Variants in PPME1 observed in about 807,000 individuals in gnomAD.
PPME1 encodes protein phosphatase methylesterase 1, also known as testicular secretory protein Li 39.
PPME1 carries 17 observed loss-of-function variants against 56.9 expected under a neutral mutation model. The observed-to-expected ratio is 0.30, with a 90% CI of 0.20 to 0.45. PPME1 has a LOEUF of 0.45. Among genes scored for constraint, PPME1 ranks in the 20% least tolerant of loss-of-function variants. The pLI is 1.00. For missense variants in PPME1, 357 were observed against 483.2 expected (o/e 0.74, Z 2.45); for synonymous variants, 122 against 156.2 (o/e 0.78, Z 1.63).
chr11:74,224,852 A>G (rs937269006), intron 4 of PPME1, among the ~76,000 whole-genome samples: 30 of 149,084 alleles, frequency 2.0e-4, no homozygotes, highest in Non-Finnish European at 3.3e-4. Flanking sequence ...GGGCTGAGAC[A>G]ATGGGGTTTT....
intron 3 of PPME1, among the ~76,000 whole-genome samples, chr11:74,216,533 A>G (rs1019047170): frequency 2.6e-5 from 4 of 152,232 alleles, no homozygotes; most frequent in Non-Finnish European, 5.9e-5. Flanking sequence ...GCCTACATCA[A>G]GAATGTAGAA....
At chr11:74,185,775 A>G (rs901211974) in intron 1 of PPME1, among the ~76,000 whole-genome samples, 2 of 151,950 alleles carry the variant, frequency 1.3e-5, no homozygotes, top group Admixed American at 6.6e-5. Context: ...GCAAAGTACA[A>G]TTCTTTATTA....
chr11:74,248,291 C>T (rs1443928305), intron 11 of PPME1: 1 of 152,244 alleles, frequency 6.6e-6, no homozygotes, highest in Non-Finnish European at 1.5e-5. Context: ...CCTACTTACT[C>T]TCCCTGGACA....
rs1412230383 is a variant in PPME1, at chr11:74,230,592, TA to T, written c.553+194del. On this transcript the variant is annotated intron_variant, in intron 6 of 13. Transcript: ENST00000328257. The surrounding 1 kb of genome is among the most constrained non-coding windows in gnomAD (Gnocchi z 4.9). ...CAAAAACTCTTCATTAACATCTTTTTATGGCTGCATAATATTTCAATCCTAT... is the reference window on the plus strand; with the variant it reads ...CAAAAACTCTTCATTAACATCTTTTTTGGCTGCATAATATTTCAATCCTAT... 6.6e-6 allele frequency among the ~76,000 whole-genome samples: 1 copy of T among 152,242 alleles called. No individual in the cohort carries two copies. The highest frequency in any genetic ancestry group is 1.5e-5 in the Non-Finnish European group (1 of 68,038).
chr11:74,238,418 A>G (rs1859252673), intron 8 of PPME1: 1 of 152,140 alleles, frequency 6.6e-6, no homozygotes, highest in Non-Finnish European at 1.5e-5. Context: ...GGGCAAAATA[A>G]CAGATTGTTC....
chr11:74,192,394 C>T (rs1309409796), intron 1 of PPME1, among the ~76,000 whole-genome samples: 2 of 151,998 alleles, frequency 1.3e-5, no homozygotes, highest in Admixed American at 1.3e-4. Flanking sequence ...CTGCTTCCAC[C>T]TTATAGGTGG....
At chr11:74,177,547 C>T (rs539624291) in intron 1 of PPME1, among the ~76,000 whole-genome samples, 29 of 151,658 alleles carry the variant, frequency 1.9e-4, no homozygotes, top group South Asian at 4.1e-4. Flanking sequence ...GTTTCTTTTA[C>T]GTGCCACTAC....
At chr11:74,241,261 C>A (rs1200138770) in intron 9 of PPME1, among the ~76,000 whole-genome samples, 1 of 152,276 alleles carries the variant, frequency 6.6e-6, no homozygotes, top group South Asian at 2.1e-4. Context: ...TGACTGGCTT[C>A]TTTTCTCTTA....
In PPME1 at chr11:74,171,458, C is replaced by G. The variant is rs1857218045; in HGVS notation, c.37C>G (p.Leu13Val). 6.2e-7 allele frequency: 1 copy of G among 1,613,292 alleles called. No individual in the cohort carries two copies. Among genetic ancestry groups the G allele is most frequent in the Admixed American group, 1.7e-5 (1 of 59,930 alleles). ...CGAAAAGAGCATGCACCTCGGCCGC[C>G]TTCCCTCTCGCCCACCTCTACCCGG... The part of the protein sequence containing the change: ...ALEKSMHLGR[L>V]PSRPPLPGSG... Residue 13 changes from leucine to valine, a missense_variant, in exon 1 of 14, where the codon CTT becomes GTT. This residue lies in a region of PPME1 where 175 missense variants were observed against 189.4 expected (regional missense o/e 0.92). Transcript: ENST00000328257.
Position 74,171,428 on chromosome 11 carries a change from G to A in PPME1, c.7G>A (p.Ala3Thr), listed in dbSNP as rs1409847400. The A allele has an allele frequency of 6.2e-7, 1 of 1,611,552 alleles. No homozygotes were observed. The highest frequency in any genetic ancestry group is 8.5e-7 in the Non-Finnish European group (1 of 1,179,022). Residue 3 changes from alanine (A) to threonine (T), a missense_variant, in exon 1 of 14, where the codon GCC becomes ACC. Physicochemically the swap from Ala to Thr is moderately conservative, Grantham distance 58 (BLOSUM62 0). Transcript: ENST00000328257. MS[A>T]LEKSMHLGRL... ...TGCGTGCAGCCTCCCCTCGATGTCG[G>A]CCCTCGAAAAGAGCATGCACCTCGG...
At chr11:74,220,669 C>G (rs1858774575) in intron 3 of PPME1, among the ~76,000 whole-genome samples, 1 of 152,188 alleles carries the variant, frequency 6.6e-6, no homozygotes, top group Admixed American at 6.5e-5. Context: ...ATCTGAAGCA[C>G]TTAGATTGCT....
Position 74,250,946 on chromosome 11 carries a change from C to T in PPME1, c.1010-8C>T, listed in dbSNP as rs1056306562. 8 of 1,593,798 alleles carry T rather than the reference C, an allele frequency of 5.0e-6. No homozygotes were observed. Among genetic ancestry groups the T allele is most frequent in the Non-Finnish European group, 6.8e-6 (8 of 1,169,536 alleles). On this transcript the variant is annotated splice_polypyrimidine_tract_variant and splice_region_variant and intron_variant, in intron 11 of 13. Coordinates refer to ENST00000328257, the MANE Select transcript of PPME1 (RefSeq NM_016147.3). ...CGCTGAAGTTGCCTTGCTTTGATTC[C>T]TCTCCAGGGAAGTTCCAGATGCAGG...
At chr11:74,232,210 C>T (rs181854933) in intron 7 of PPME1, among the ~76,000 whole-genome samples, 1 of 152,326 alleles carries the variant, frequency 6.6e-6, no homozygotes, top group East Asian at 1.9e-4. Context: ...GGATATGGCT[C>T]ATATTGTTAA....
chr11:74,193,280 A>G (rs1194703417), intron 1 of PPME1, among the ~76,000 whole-genome samples: 1 of 152,256 alleles, frequency 6.6e-6, no homozygotes, highest in East Asian at 1.9e-4. Flanking sequence ...GGTGGCTAAG[A>G]TAGTGACACC....
At chr11:74,222,493 T>C (rs1408026753) in intron 4 of PPME1, 124 bp downstream of exon 4, 1 of 878,236 alleles carries the variant, frequency 1.1e-6, no homozygotes, top group Non-Finnish European at 1.8e-6. Flanking sequence ...TTGAGCTTTT[T>C]GTTGTTGTCG....
intron 7 of PPME1, among the ~76,000 whole-genome samples, chr11:74,232,860 A>ATTTTTTTTTTT (rs35057762): frequency 4.3e-5 from 4 of 93,862 alleles, no homozygotes; most frequent in African/African-American, 9.2e-5. Flanking sequence ...TTGTTATTTG[A>ATTTTTTTTTTT]TTTTTTTTTT....
chr11:74,192,044 G>A (rs1299614971), intron 1 of PPME1, among the ~76,000 whole-genome samples: 1 of 152,172 alleles, frequency 6.6e-6, no homozygotes, highest in Non-Finnish European at 1.5e-5. Flanking sequence ...TGCATCCTGA[G>A]CATGGAAAAG....
chr11:74,204,559 C>A, intron 3 of PPME1, 114 bp downstream of exon 3: 1 of 817,770 alleles, frequency 1.2e-6, no homozygotes, highest in Non-Finnish European at 2.0e-6. Flanking sequence ...ATTGCTATTC[C>A]AGGCATACAC....
At chr11:74,201,820 T>C (rs968060458) in intron 1 of PPME1, among the ~76,000 whole-genome samples, 26 of 152,208 alleles carry the variant, frequency 1.7e-4, no homozygotes, top group African/African-American at 6.3e-4. Context: ...GAATCCATTA[T>C]AACATGTTTG....
Sources: allele counts gnomAD v4.1 joint callset (sites outside exome capture counted in the v4.1 genomes callset), GRCh38; gene constraint gnomAD v4.1.1; regional missense constraint gnomAD v4.1.1; non-coding constraint Gnocchi (gnomAD v3.1); transcripts MANE v1.5; gene names NCBI Gene and HGNC (gene_info 2026-07-23, HGNC 2026-07-21).